POU6F2: variants seen among roughly 807,000 people sequenced by gnomAD.
The protein encoded by POU6F2 is POU domain, class 6, transcription factor 2.
POU6F2 carries 31 observed loss-of-function variants against 71.3 expected under a neutral mutation model. The ratio of observed to expected loss-of-function variants is 0.43; its 90% CI spans 0.33 to 0.59. The LOEUF (loss-of-function observed/expected upper bound fraction) is 0.59, where lower values mean the gene tolerates loss of function less well. Ranked by LOEUF, POU6F2 falls within the 20% of genes least tolerant of loss-of-function variation. The pLI is 0.04. For synonymous variants in POU6F2, 347 were observed against 355.7 expected (o/e 0.98, Z 0.27); for missense variants, 783 against 856.8 (o/e 0.91, Z 1.07).
At chr7:39,400,974 G>A (rs1678325255) in intron 5 of POU6F2, among the ~76,000 whole-genome samples, 1 of 152,120 alleles carries the variant, frequency 6.6e-6, no homozygotes, top group African/African-American at 2.4e-5. Context: ...GGGAAACAGG[G>A]ACTCTCTGCA....
intron 5 of POU6F2, among the ~76,000 whole-genome samples, chr7:39,381,274 G>C (rs1177144211): frequency 1.3e-5 from 2 of 152,076 alleles, no homozygotes; most frequent in Non-Finnish European, 2.9e-5. Context: ...GTCTCACTCT[G>C]TTGCCCCAGC....
chr7:39,055,063 G>A (rs1442183295), intron 1 of POU6F2, among the ~76,000 whole-genome samples: 1 of 152,074 alleles, frequency 6.6e-6, no homozygotes, highest in South Asian at 2.1e-4. Context: ...AGATTGGAAA[G>A]GGGCAAAAGC....
intron 4 of POU6F2, among the ~76,000 whole-genome samples, chr7:39,279,006 A>C (rs993922789): frequency 6.6e-6 from 1 of 151,412 alleles, no homozygotes; most frequent in African/African-American, 2.4e-5. Flanking sequence ...CTTAATCCCA[A>C]CTCTCGTTTC....
chr7:39,164,664 AAG>A (rs2128737458), intron 2 of POU6F2, among the ~76,000 whole-genome samples: 1 of 152,022 alleles, frequency 6.6e-6, no homozygotes, highest in Admixed American at 6.5e-5. Context: ...AGTTCACAAA[AAG>A]AGCTGTGGCC....
chr7:39,462,187 C>T (rs1211835115), intron 9 of POU6F2, among the ~76,000 whole-genome samples: 1 of 152,148 alleles, frequency 6.6e-6, no homozygotes, highest in Non-Finnish European at 1.5e-5. Context: ...CTAAAGTCTA[C>T]CCCCAGAGAG....
intron 5 of POU6F2, chr7:39,405,044 TA>T (rs1300600855): frequency 6.6e-6 from 1 of 152,150 alleles, no homozygotes; most frequent in Non-Finnish European, 1.5e-5. Context: ...AGGAGAGAGA[TA>T]AAGGCAAAAG....
chr7:38,983,119 T>C (rs1221023824), intron 1 of POU6F2, among the ~76,000 whole-genome samples: 1 of 152,082 alleles, frequency 6.6e-6, no homozygotes, highest in African/African-American at 2.4e-5. Context: ...CTTGATTGAG[T>C]AGAAAATAAA....
chr7:39,326,550 A>T (rs1785507533), intron 4 of POU6F2, among the ~76,000 whole-genome samples: 1 of 152,250 alleles, frequency 6.6e-6, no homozygotes, highest in Non-Finnish European at 1.5e-5. Flanking sequence ...AACATGTAGA[A>T]TCTATCCACC....
chr7:39,451,905 A>G (rs1437047471), intron 8 of POU6F2, among the ~76,000 whole-genome samples: 1 of 152,180 alleles, frequency 6.6e-6, no homozygotes, highest in African/African-American at 2.4e-5. Context: ...CAGGTCCCCA[A>G]AGCACACTCC....
intron 4 of POU6F2, among the ~76,000 whole-genome samples, chr7:39,257,164 C>T (rs912659069): frequency 6.6e-6 from 1 of 152,138 alleles, no homozygotes; most frequent in Admixed American, 6.5e-5. Context: ...GGAAATAGTG[C>T]AGATACAAAG....
intron 6 of POU6F2, among the ~76,000 whole-genome samples, chr7:39,425,227 A>C (rs1787941676): frequency 6.6e-6 from 1 of 151,860 alleles, no homozygotes; most frequent in Non-Finnish European, 1.5e-5. Context: ...ACACAGGCAA[A>C]CATACTAGAT....
At chr7:39,216,134 A>C (rs1221405649) in intron 4 of POU6F2, among the ~76,000 whole-genome samples, 1 of 152,170 alleles carries the variant, frequency 6.6e-6, no homozygotes, top group Non-Finnish European at 1.5e-5. Flanking sequence ...GTGGAGGAGG[A>C]AAATAAATAA....
In POU6F2 at chr7:39,458,729, G is replaced by A. The variant is rs369568895; in HGVS notation, c.1490-1818G>A. ...TATAGTCACTGCCCACCCCTGCCCC[G>A]CCCGAGCTCATAGATTCTCAGTGTG... On this transcript the variant is annotated intron_variant, in intron 8 of 9. Coordinates refer to ENST00000518318, the MANE Select transcript of POU6F2 (RefSeq NM_001370959.1). 8.1e-5 allele frequency among the ~76,000 whole-genome samples: 12 copies of A among 148,844 alleles called. No individual in the cohort carries two copies. In the East Asian group the frequency reaches 1.3e-3, roughly 16 times the overall value.
chr7:39,413,322 A>C lies in POU6F2; in HGVS notation c.1113+6582A>C, dbSNP rs573730534. Among the ~76,000 whole-genome samples the C allele has an allele frequency of 4.1e-4, 62 of 152,324 alleles. 1 individual carries two copies. Among genetic ancestry groups the C allele is most frequent in the African/African-American group, 1.4e-3 (60 of 41,572 alleles). ...GCACGTTCTGCATTTTTACTCCAAAATATTCATTGAAGAAGCAAGATACGA... is the reference window on the plus strand; with the variant it reads ...GCACGTTCTGCATTTTTACTCCAAACTATTCATTGAAGAAGCAAGATACGA... On this transcript the variant is annotated intron_variant, in intron 6 of 9. Transcript: ENST00000518318.
intron 1 of POU6F2, among the ~76,000 whole-genome samples, chr7:39,049,917 T>G (rs1206196467): frequency 6.6e-6 from 1 of 152,022 alleles, no homozygotes; most frequent in Non-Finnish European, 1.5e-5. Context: ...CAGAGAAATG[T>G]CTATTCACTG....
Position 39,003,861 on chromosome 7 carries a change from T to C in POU6F2, c.105+25803T>C, listed in dbSNP as rs1475670180. 2.0e-5 allele frequency among the ~76,000 whole-genome samples: 3 copies of C among 152,116 alleles called. No homozygotes were observed. The East Asian group carries it at 5.8e-4, about 29-fold the overall frequency. ...TATATGCTTATGATATAATGTGTAA[T>C]GTTAAGTGAAAAAAAATAGCTTATG... On this transcript the variant is annotated intron_variant, in intron 1 of 9. Transcript: ENST00000518318.
chr7:39,032,276 A>G (rs917027387), intron 1 of POU6F2, among the ~76,000 whole-genome samples: 2 of 152,228 alleles, frequency 1.3e-5, no homozygotes, highest in African/African-American at 4.8e-5. Flanking sequence ...AACCACAGTG[A>G]GTCCTTCTTC....
rs1371068546 is a variant in POU6F2, at chr7:39,464,692, T to C, written c.*6T>C. The C allele has an allele frequency of 6.3e-7, 1 of 1,590,816 alleles. No homozygotes were observed. Among genetic ancestry groups the C allele is most frequent in the Non-Finnish European group, 8.5e-7 (1 of 1,169,734 alleles). ...CTCTGGAAGAAAACTCCTAAAGAGA[T>C]GCCCACCCATAATCAGAAGCAAAAT... On this transcript the variant is annotated 3_prime_UTR_variant, in exon 10 of 10. Transcript: ENST00000518318. The surrounding 1 kb of genome is among the most constrained non-coding windows in gnomAD (Gnocchi z 4.1).
At chr7:39,197,921 T>G (rs962309436) in intron 2 of POU6F2, among the ~76,000 whole-genome samples, 4 of 152,160 alleles carry the variant, frequency 2.6e-5, no homozygotes, top group Non-Finnish European at 2.9e-5. Context: ...AGATACAAAA[T>G]GAGTTAGAGA....
Sources: allele counts gnomAD v4.1 joint callset (sites outside exome capture counted in the v4.1 genomes callset), GRCh38; gene constraint gnomAD v4.1.1; non-coding constraint Gnocchi (gnomAD v3.1); transcripts MANE v1.5; gene names NCBI Gene and HGNC (gene_info 2026-07-23, HGNC 2026-07-21).